GRID1: variants seen among roughly 807,000 people sequenced by gnomAD.
The protein encoded by GRID1 is glutamate receptor ionotropic, delta-1.
In GRID1, 28 loss-of-function variants were observed where a neutral mutation model predicts 98.0. That is an observed-to-expected ratio of 0.29 (90% CI 0.21 to 0.39). The LOEUF (loss-of-function observed/expected upper bound fraction) is 0.39. GRID1 is among the 10% of genes least tolerant of loss of function. The probability of loss-of-function intolerance (pLI) is 1.00; values close to 1 mark genes in which losing one functional copy is unlikely to be tolerated. For synonymous variants in GRID1, 553 were observed against 538.5 expected (o/e 1.03, Z -0.37); for missense variants, 1,111 against 1,340.5 (o/e 0.83, Z 2.67).
At chr10:86,238,638 C>G (rs186840326) in intron 2 of GRID1, among the ~76,000 whole-genome samples, 317 of 147,416 alleles carry the variant, frequency 2.2e-3, no homozygotes, top group African/African-American at 7.7e-3. Flanking sequence ...CCACTGCACT[C>G]CAGCCTGGTG....
rs372199655 is a variant in GRID1, at chr10:85,602,363, C to T, written c.2940G>A (p.Pro980=). Residue 980 remains proline (P), a synonymous_variant, in exon 16 of 16, where the codon CCG becomes CCA. Coordinates refer to ENST00000327946, the MANE Select transcript of GRID1 (RefSeq NM_017551.3). ...SPNGGLFRQS[P]VKTPIPMSFQ... Reference sequence around the variant, plus strand: ...AGGACATGGGGATGGGGGTCTTCACCGGGCTCTGCCGGAACAGCCCCCCGT... The same window carrying T: ...AGGACATGGGGATGGGGGTCTTCACTGGGCTCTGCCGGAACAGCCCCCCGT... 9.3e-5 allele frequency: 149 copies of T among 1,600,096 alleles called. No individual in the cohort carries two copies. Among genetic ancestry groups the T allele is most frequent in the African/African-American group, 1.6e-4 (12 of 74,858 alleles).
chr10:85,834,580 T>C (rs1318252950), intron 8 of GRID1, among the ~76,000 whole-genome samples: 1 of 152,148 alleles, frequency 6.6e-6, no homozygotes, highest in African/African-American at 2.4e-5. Flanking sequence ...TATTTGATAA[T>C]TGAAACAGAA....
chr10:85,761,948 T>C lies in GRID1; in HGVS notation c.1234-32334A>G, dbSNP rs1842151505. 2.6e-5 allele frequency among the ~76,000 whole-genome samples: 4 copies of C among 152,186 alleles called. No homozygotes were observed. In the South Asian group the frequency reaches 8.3e-4, roughly 32 times the overall value. ...AAGAAATGCTTAAGACAGGGAAACA[T>C]TGTTATCAGCCTACTTGAAATGTAG... On this transcript the variant is annotated intron_variant, in intron 8 of 15. Transcript: ENST00000327946.
chr10:86,353,273 C>T (rs1848486754), intron 2 of GRID1, among the ~76,000 whole-genome samples: 1 of 152,226 alleles, frequency 6.6e-6, no homozygotes, highest in Admixed American at 6.5e-5. Flanking sequence ...GAGGATGCCA[C>T]CTCCCAACTG....
intron 8 of GRID1, among the ~76,000 whole-genome samples, chr10:85,847,033 G>A (rs913449147): frequency 6.6e-6 from 1 of 152,126 alleles, no homozygotes; most frequent in Admixed American, 6.5e-5. Flanking sequence ...CTGAACACAA[G>A]CATCTGAGAG....
chr10:85,887,050 G>T (rs992837852), intron 5 of GRID1, among the ~76,000 whole-genome samples: 3 of 152,204 alleles, frequency 2.0e-5, no homozygotes, highest in Non-Finnish European at 4.4e-5. Flanking sequence ...AATCTAAGTT[G>T]ATGACAGTAG....
At chr10:86,247,764 G>A (rs576617051) in intron 2 of GRID1, among the ~76,000 whole-genome samples, 1 of 152,266 alleles carries the variant, frequency 6.6e-6, no homozygotes, top group Admixed American at 6.5e-5. Flanking sequence ...CACCGGCTGG[G>A]CCCCTGAGAC....
intron 4 of GRID1, among the ~76,000 whole-genome samples, chr10:85,926,473 T>C (rs1218110109): frequency 1.3e-5 from 2 of 152,140 alleles, no homozygotes. Flanking sequence ...CCCCAAGCAG[T>C]TGGGTCCCAG....
chr10:86,004,207 T>C (rs2131876836), intron 4 of GRID1, among the ~76,000 whole-genome samples: 1 of 152,352 alleles, frequency 6.6e-6, no homozygotes, highest in South Asian at 2.1e-4. Flanking sequence ...ATCTTACTCA[T>C]TCTGTAATCC....
intron 5 of GRID1, among the ~76,000 whole-genome samples, chr10:85,896,098 G>A (rs1263043716): frequency 1.3e-5 from 2 of 152,098 alleles, no homozygotes; most frequent in Non-Finnish European, 2.9e-5. Context: ...ACTTTACATT[G>A]TCTTCCACTG....
chr10:85,730,340 T>A (rs565882273), intron 8 of GRID1, among the ~76,000 whole-genome samples: 33 of 152,324 alleles, frequency 2.2e-4, no homozygotes, highest in African/African-American at 7.7e-4. Context: ...TGAGACTGCT[T>A]CCCCTCCCTG....
chr10:85,857,950 G>C (rs1012006481), intron 6 of GRID1, among the ~76,000 whole-genome samples: 1 of 152,160 alleles, frequency 6.6e-6, no homozygotes, highest in Non-Finnish European at 1.5e-5. Context: ...AAGTTAGGTG[G>C]CGCGAACTCT....
chr10:85,999,661 A>G (rs1421644609), intron 4 of GRID1, among the ~76,000 whole-genome samples: 2 of 152,250 alleles, frequency 1.3e-5, no homozygotes, highest in East Asian at 3.8e-4. Flanking sequence ...TGACTAACTC[A>G]ATATTTAAAA....
At chr10:85,915,021 AG>A (rs1431264775) in intron 5 of GRID1, among the ~76,000 whole-genome samples, 1 of 152,170 alleles carries the variant, frequency 6.6e-6, no homozygotes, top group African/African-American at 2.4e-5. Flanking sequence ...TGCAGCGTGG[AG>A]GAGGCCAGGG....
chr10:86,075,353 G>C lies in GRID1; in HGVS notation c.726+63466C>G, dbSNP rs138824080. Among the ~76,000 whole-genome samples the C allele has an allele frequency of 2.0e-5, 3 of 147,812 alleles. No homozygotes were observed. The East Asian group carries it at 5.9e-4, about 29-fold the overall frequency. On this transcript the variant is annotated intron_variant, in intron 4 of 15. Transcript: ENST00000327946. The stretch of plus-strand genomic sequence containing the variant: ...GGAGAAATTGCGAGACAGACACAGG[G>C]AGAAGGCCATGGGAAGAAGAAGCCA...
intron 3 of GRID1, among the ~76,000 whole-genome samples, chr10:86,148,758 A>T (rs940148167): frequency 2.6e-5 from 4 of 152,176 alleles, no homozygotes; most frequent in African/African-American, 9.7e-5. Flanking sequence ...AAAAAGGAAA[A>T]CACTATCTTC....
intron 4 of GRID1, among the ~76,000 whole-genome samples, chr10:85,920,748 G>A (rs1373532964): frequency 6.6e-6 from 1 of 152,210 alleles, no homozygotes; most frequent in Non-Finnish European, 1.5e-5. Flanking sequence ...GGCAGCCCCT[G>A]TATCCTGTGG....
rs551314460 is a variant in GRID1 at position 86,000,415 on chromosome 10, A to G, written c.727-84176T>C. Reference sequence around the variant, plus strand: ...ACAAAATCCCAAGAGGATTTTTCATAATATGGACAAGCCATTTCCAACATA... The same window carrying G: ...ACAAAATCCCAAGAGGATTTTTCATGATATGGACAAGCCATTTCCAACATA... On this transcript the variant is annotated intron_variant, in intron 4 of 15. Coordinates refer to ENST00000327946, the MANE Select transcript of GRID1 (RefSeq NM_017551.3). 3.3e-5 allele frequency among the ~76,000 whole-genome samples: 5 copies of G among 152,324 alleles called. No homozygotes were observed. In the South Asian group the frequency reaches 1.0e-3, roughly 32 times the overall value.
At chr10:85,991,787 G>A (rs1393372175) in intron 4 of GRID1, among the ~76,000 whole-genome samples, 2 of 152,168 alleles carry the variant, frequency 1.3e-5, no homozygotes, top group Non-Finnish European at 2.9e-5. Context: ...ATTGTGGCGG[G>A]TGGAAAATCA....
Sources: allele counts gnomAD v4.1 joint callset (sites outside exome capture counted in the v4.1 genomes callset), GRCh38; gene constraint gnomAD v4.1.1; transcripts MANE v1.5; gene names NCBI Gene and HGNC (gene_info 2026-07-23, HGNC 2026-07-21).